DGLUCY: variants seen among roughly 807,000 people sequenced by gnomAD.
DGLUCY encodes D-glutamate cyclase, also known as D-glutamate cyclase, mitochondrial.
A neutral mutation model predicts 58.5 loss-of-function variants in DGLUCY; 58 were observed. The ratio of observed to expected loss-of-function variants is 0.99; its 90% CI spans 0.80 to 1.23. DGLUCY has a LOEUF of 1.23. DGLUCY is among the 50% of genes most tolerant of loss of function. The pLI is 0.00. For missense variants in DGLUCY, 779 were observed against 784.7 expected, an observed-to-expected ratio of 0.99 and a Z score of 0.09; for synonymous variants, 325 against 314.1, an observed-to-expected ratio of 1.03 and a Z score of -0.37.
intron 11 of DGLUCY, among the ~76,000 whole-genome samples, chr14:91,201,040 T>C (rs2050522420): frequency 6.6e-6 from 1 of 152,042 alleles, no homozygotes; most frequent in Non-Finnish European, 1.5e-5. Flanking sequence ...GGAGGGTGTA[T>C]CTTACAAAGT....
At chr14:91,138,010 T>C (rs1230017984) in intron 1 of DGLUCY, among the ~76,000 whole-genome samples, 1 of 152,208 alleles carries the variant, frequency 6.6e-6, no homozygotes, top group African/African-American at 2.4e-5. Context: ...TTCAGTTTGC[T>C]AATACTCTGT....
intron 1 of DGLUCY, among the ~76,000 whole-genome samples, chr14:91,157,198 G>A (rs973918234): frequency 6.7e-6 from 1 of 148,374 alleles, no homozygotes; most frequent in Non-Finnish European, 1.5e-5. Flanking sequence ...TGGATAGATG[G>A]ATGGATGAAT....
intron 10 of DGLUCY, among the ~76,000 whole-genome samples, chr14:91,197,100 G>A (rs1183803850): frequency 6.6e-5 from 10 of 152,106 alleles, no homozygotes; most frequent in Admixed American, 2.0e-4. Flanking sequence ...CCAAGTAGCT[G>A]GGATTACAGG....
intron 1 of DGLUCY, among the ~76,000 whole-genome samples, chr14:91,134,925 T>TTTTTTC (rs1009779074): frequency 2.6e-5 from 4 of 152,024 alleles, no homozygotes; most frequent in African/African-American, 9.6e-5. Context: ...CTTTACACAT[T>TTTTTTC]TTTTTCTTTT....
intron 13 of DGLUCY, chr14:91,215,770 A>G (rs1886428190): frequency 7.8e-6 from 11 of 1,406,760 alleles, no homozygotes; most frequent in Non-Finnish European, 1.0e-5. Context: ...CCAAGTGACC[A>G]TTTTCCTTCT....
intron 1 of DGLUCY, among the ~76,000 whole-genome samples, chr14:91,100,850 C>T (rs2044473858): frequency 6.6e-6 from 1 of 152,154 alleles, no homozygotes; most frequent in African/African-American, 2.4e-5. Flanking sequence ...GCAGGTGGAT[C>T]ACTTGAGCCC....
At chr14:91,077,770 GAGAA>G (rs144700074) in intron 1 of DGLUCY, among the ~76,000 whole-genome samples, 4 of 144,470 alleles carry the variant, frequency 2.8e-5, no homozygotes, top group South Asian at 4.4e-4. Flanking sequence ...AAAAGAGAGA[GAGAA>G]AGAGAGGAAG....
rs56355078 is a variant in DGLUCY, at chr14:91,207,161, G to GAAAAA, written c.1564+2348_1564+2352dup. 6.1e-4 allele frequency among the ~76,000 whole-genome samples: 52 copies of GAAAAA among 85,332 alleles called. 1 individual carries two copies. The highest frequency in any genetic ancestry group is 2.4e-3 in the South Asian group (4 of 1,652). The allele number at this position is 85,332 out of a possible 152,430, so 56.0% of individuals were successfully genotyped here. On this transcript the variant is annotated intron_variant, in intron 12 of 13. Transcript: ENST00000256324. The stretch of plus-strand genomic sequence containing the variant: ...ATGACAGAGCAAGACACTGTCTCAG[G>GAAAAA]AAAAAAAAAAAAAAAAGAGGAAGTA...
intron 1 of DGLUCY, among the ~76,000 whole-genome samples, chr14:91,155,707 G>A (rs2047578349): frequency 6.6e-6 from 1 of 151,628 alleles, no homozygotes; most frequent in Non-Finnish European, 1.5e-5. Flanking sequence ...GAGGTGGGAG[G>A]ATTGCTTGAG....
At chr14:91,077,184 C>T (rs1369480352) in intron 1 of DGLUCY, among the ~76,000 whole-genome samples, 3 of 150,928 alleles carry the variant, frequency 2.0e-5, no homozygotes, top group Admixed American at 6.6e-5. Context: ...AGGTGAAGGT[C>T]GCAGTGAGCC....
At chr14:91,123,491 A>AAAG (rs1402225406) in intron 1 of DGLUCY, among the ~76,000 whole-genome samples, 1 of 151,674 alleles carries the variant, frequency 6.6e-6, no homozygotes, top group African/African-American at 2.4e-5. Context: ...AGTTAAAAAA[A>AAAG]AAAAGAATGA....
chr14:91,114,810 G>A (rs1207107803), intron 1 of DGLUCY: 3 of 152,306 alleles, frequency 2.0e-5, no homozygotes, highest in Admixed American at 6.5e-5. Context: ...ATGAGGTAGC[G>A]GCCAGGCTGA....
chr14:91,215,849 T>C, intron 13 of DGLUCY: 1 of 975,314 alleles, frequency 1.0e-6, no homozygotes, highest in Non-Finnish European at 1.4e-6. Context: ...ATGGGGGTGG[T>C]CAGCATTGTT....
At chr14:91,209,630 C>A (rs1379340227) in intron 12 of DGLUCY, among the ~76,000 whole-genome samples, 2 of 152,108 alleles carry the variant, frequency 1.3e-5, no homozygotes, top group Admixed American at 1.3e-4. Context: ...ATCGCTTTAA[C>A]CCGGGAGGCG....
chr14:91,160,528 G>A (rs985013757), intron 3 of DGLUCY, 131 bp downstream of exon 3: 1 of 663,246 alleles, frequency 1.5e-6, no homozygotes, highest in Non-Finnish European at 2.5e-6. Context: ...AGTAAGAGCA[G>A]AATGATATTA....
intron 1 of DGLUCY, among the ~76,000 whole-genome samples, chr14:91,072,958 A>G (rs957107512): frequency 6.6e-6 from 1 of 152,082 alleles, no homozygotes; most frequent in Non-Finnish European, 1.5e-5. Context: ...GCAGTGAGCC[A>G]AGATCATGCC....
intron 8 of DGLUCY, among the ~76,000 whole-genome samples, chr14:91,184,581 G>C (rs1021926282): frequency 5.8e-5 from 6 of 102,994 alleles, no homozygotes; most frequent in Non-Finnish European, 7.8e-5. Context: ...GAAAGTTGGG[G>C]GGGGGGAGGG....
At chr14:91,061,770 G>T in intron 1 of DGLUCY, among the ~76,000 whole-genome samples, 1 of 152,206 alleles carries the variant, frequency 6.6e-6, no homozygotes. Context: ...GTGAGGTGTG[G>T]TAAGATAATG....
At chr14:91,073,316 C>T (rs570583172) in intron 1 of DGLUCY, among the ~76,000 whole-genome samples, 1 of 152,240 alleles carries the variant, frequency 6.6e-6, no homozygotes, top group African/African-American at 2.4e-5. Context: ...TGGCACACGC[C>T]TGTAGTCCCA....
Sources: gnomAD v4.1 joint callset for allele counts (sites outside exome capture counted in the v4.1 genomes callset) on GRCh38, gnomAD v4.1.1 for gene constraint, MANE v1.5 for transcripts, NCBI Gene and HGNC (gene_info 2026-07-23, HGNC 2026-07-21) for gene names.